Variants in SLK observed in about 807,000 individuals in gnomAD.
The protein encoded by SLK is STE20 like kinase, also known as STE20-like serine/threonine-protein kinase.
In SLK, 67 loss-of-function variants were observed where a neutral mutation model predicts 147.7. That is an observed-to-expected ratio of 0.45 (90% confidence interval 0.37 to 0.56). The LOEUF (loss-of-function observed/expected upper bound fraction) is 0.56. Ranked by LOEUF, SLK falls within the 20% of genes least tolerant of loss-of-function variation. The pLI, the probability that SLK is intolerant of heterozygous loss-of-function variation, is 0.00. For missense variants in SLK, 1,136 were observed against 1,438.8 expected, an observed-to-expected ratio of 0.79 and a Z score of 3.41; for synonymous variants, 441 against 475.0, an observed-to-expected ratio of 0.93 and a Z score of 0.93.
At chr10:103,991,059 A>T (rs947018237) in intron 2 of SLK, among the ~76,000 whole-genome samples, 1 of 152,166 alleles carries the variant, frequency 6.6e-6, no homozygotes, top group African/African-American at 2.4e-5. Context: ...CAGTTTCATC[A>T]TGATTGTTTG....
At chr10:104,008,388 AG>A (rs746255320) in intron 12 of SLK, 32 bp downstream of exon 12, 2 of 1,500,866 alleles carry the variant, frequency 1.3e-6, no homozygotes, top group Non-Finnish European at 1.8e-6. Context: ...TAATTACTAA[AG>A]CTTTTTTTTT....
In SLK at chr10:104,025,754, T is replaced by C; in HGVS notation, c.*34T>C. On this transcript the variant is annotated 3_prime_UTR_variant, in exon 19 of 19. Coordinates refer to ENST00000369755, the MANE Select transcript of SLK (RefSeq NM_014720.4). The stretch of plus-strand genomic sequence containing the variant: ...AGCATTCTGTGCGTGGGTTTGGCTC[T>C]TTCAGTATGTCATTCTGTTCTCATC... The C allele has an allele frequency of 1.3e-6, 2 of 1,595,534 alleles. No individual in the cohort carries two copies. Among genetic ancestry groups the C allele is most frequent in the East Asian group, 4.5e-5 (2 of 44,762 alleles).
chr10:103,992,141 G>GTTTTCTTTTTT (rs1554842831), intron 2 of SLK, among the ~76,000 whole-genome samples: 1 of 91,792 alleles, frequency 1.1e-5, no homozygotes. Context: ...TATTTCTTCT[G>GTTTTCTTTTTT]TTTTTTTTTT....
chr10:103,989,485 T>TTTTTTTTTTG (rs1844061916), intron 1 of SLK, among the ~76,000 whole-genome samples: 1 of 83,418 alleles, frequency 1.2e-5, no homozygotes, highest in African/African-American at 4.1e-5. Context: ...TTTTTTTTTT[T>TTTTTTTTTTG]GGAGACAGAG....
Position 103,989,464 on chromosome 10 carries a change from C to CTTTTTTTTTT in SLK, c.151-1199_151-1190dup, listed in dbSNP as rs68033075. Among the ~76,000 whole-genome samples the CTTTTTTTTTT allele has an allele frequency of 4.4e-3, 349 of 78,576 alleles. 42 individuals carry two copies. The highest frequency in any genetic ancestry group is 0.016 in the African/African-American group (315 of 19,292). The allele number at this position is 78,576 out of a possible 152,430, so 51.5% of individuals were successfully genotyped here. ...ATTTTGGAAGACAGTGTGGCAGTTT[C>CTTTTTTTTTT]TTTTTTTTTTTTTTTTTTTTTGGAG... On this transcript the variant is annotated intron_variant, in intron 1 of 18. Transcript: ENST00000369755.
In SLK at chr10:103,993,039, A is replaced by G; in HGVS notation, c.420A>G (p.Leu140=). ...SQIQVVCKQT[L]DALNYLHDNK... ...TACAAGTAGTTTGCAAGCAGACTTTAGATGCATTGAACTACTTACATGATA... is the reference window on the plus strand; with the variant it reads ...TACAAGTAGTTTGCAAGCAGACTTTGGATGCATTGAACTACTTACATGATA... Residue 140 remains leucine (L), a synonymous_variant, in exon 4 of 19, where the codon TTA becomes TTG. Transcript: ENST00000369755. 6.2e-7 allele frequency: 1 copy of G among 1,610,102 alleles called. No individual in the cohort carries two copies. Among genetic ancestry groups the G allele is most frequent in the Non-Finnish European group, 8.5e-7 (1 of 1,176,820 alleles).
intron 13 of SLK, among the ~76,000 whole-genome samples, chr10:104,013,082 T>C (rs1017460727): frequency 1.3e-5 from 2 of 152,248 alleles, no homozygotes; most frequent in African/African-American, 2.4e-5. Flanking sequence ...ATGAGGAATT[T>C]AGTAATCTAA....
intron 1 of SLK, among the ~76,000 whole-genome samples, chr10:103,988,022 T>G (rs1478475274): frequency 1.3e-5 from 2 of 152,122 alleles, no homozygotes; most frequent in African/African-American, 4.8e-5. Context: ...AATGAAGTCA[T>G]AGAGAAATGG....
At position 104,025,654 on chromosome 10, in the gene SLK, C is replaced by T. The variant is rs970101433; in HGVS notation, c.3642C>T (p.Asn1214=). 1.2e-6 allele frequency: 2 copies of T among 1,613,684 alleles called. No homozygotes were observed. Among genetic ancestry groups the T allele is most frequent in the Admixed American group, 3.3e-5 (2 of 60,020 alleles). ...TGACTGGGGAGTCTGAATGCCTTAA[C>T]CCATCAACACAGAGCCGGATTTCCA... ...FKMTGESECL[N]PSTQSRISKF... The change falls in exon 19 of 19, where the codon AAC becomes AAT. Residue 1214 remains asparagine, a synonymous_variant. Transcript: ENST00000369755.
chr10:103,996,209 T>A (rs1302390559), intron 4 of SLK, among the ~76,000 whole-genome samples: 1 of 152,178 alleles, frequency 6.6e-6, no homozygotes, highest in Non-Finnish European at 1.5e-5. Flanking sequence ...GGCACAAATT[T>A]CTTTCCTTCA....
chr10:103,973,686 A>G (rs535985423), intron 1 of SLK, among the ~76,000 whole-genome samples: 1 of 152,356 alleles, frequency 6.6e-6, no homozygotes, highest in Admixed American at 6.5e-5. Context: ...AAGTGGGAAC[A>G]CAAACTACTT....
chr10:104,008,073 A>C, intron 11 of SLK, 104 bp from the exon 12 acceptor site: 2 of 831,218 alleles, frequency 2.4e-6, no homozygotes, highest in East Asian at 2.5e-5. Flanking sequence ...ATAGTACATT[A>C]CTAAATTTAA....
intron 15 of SLK, 183 bp downstream of exon 15, chr10:104,019,091 T>C (rs1037825592): frequency 7.8e-6 from 4 of 515,564 alleles, no homozygotes; most frequent in African/African-American, 5.9e-5. Flanking sequence ...CAAACTTCTT[T>C]TCTACAAATT....
chr10:103,983,667 G>GTT (rs11327089), intron 1 of SLK, among the ~76,000 whole-genome samples: 17 of 145,016 alleles, frequency 1.2e-4, no homozygotes, highest in Non-Finnish European at 2.1e-4. Flanking sequence ...CCTTGTAGAG[G>GTT]TTTTTTTTTT....
chr10:103,976,916 C>T (rs887138791), intron 1 of SLK, among the ~76,000 whole-genome samples: 3 of 152,206 alleles, frequency 2.0e-5, no homozygotes, highest in Non-Finnish European at 4.4e-5. Context: ...GTTGGCACTA[C>T]AGCCGTTTTG....
At position 103,969,643 on chromosome 10, in the gene SLK, T is replaced by C. The variant is rs1018280313; in HGVS notation, c.150+1748T>C. Among the ~76,000 whole-genome samples, 29 of 151,920 alleles carry C rather than the reference T, an allele frequency of 1.9e-4. 1 individual carries two copies. Among genetic ancestry groups the C allele is most frequent in the African/African-American group, 6.3e-4 (26 of 41,328 alleles). On this transcript the variant is annotated intron_variant, in intron 1 of 18. Transcript: ENST00000369755. ...TAAGCTTTGTTATTTGTGTGGAGGG[T>C]AGAGTATGGGCTTCAGCAAGAGCTT...
intron 1 of SLK, among the ~76,000 whole-genome samples, chr10:103,973,497 T>G (rs1288810849): frequency 3.3e-5 from 5 of 152,222 alleles, no homozygotes; most frequent in Admixed American, 3.3e-4. Flanking sequence ...ATTTTCCAGT[T>G]AGCCTGGTTG....
intron 1 of SLK, 101 bp downstream of exon 1, chr10:103,967,996 C>A (rs1843740556): frequency 1.8e-5 from 22 of 1,221,120 alleles, no homozygotes; most frequent in Admixed American, 4.3e-5. Context: ...TCCTGTCCTT[C>A]TTTTGACTGT....
At chr10:104,024,358 A>G (rs999988532) in intron 18 of SLK, among the ~76,000 whole-genome samples, 1 of 152,178 alleles carries the variant, frequency 6.6e-6, no homozygotes, top group Non-Finnish European at 1.5e-5. Flanking sequence ...ATGTTGAGAA[A>G]TCTTCAGTTC....
Sources: gnomAD v4.1 joint callset for allele counts (sites outside exome capture counted in the v4.1 genomes callset) on GRCh38, gnomAD v4.1.1 for gene constraint, MANE v1.5 for transcripts, NCBI Gene and HGNC (gene_info 2026-07-23, HGNC 2026-07-21) for gene names.